TBCD: variants seen among roughly 807,000 people sequenced by gnomAD.
TBCD encodes tubulin folding cofactor D.
TBCD carries 105 observed loss-of-function variants against 169.3 expected under a neutral mutation model. The ratio of observed to expected loss-of-function variants is 0.62; its 90% CI spans 0.53 to 0.73. The LOEUF (loss-of-function observed/expected upper bound fraction) is 0.73, where lower values mean the gene tolerates loss of function less well. Among genes scored for constraint, TBCD ranks in the 30% least tolerant of loss-of-function variants. The pLI is 0.00. For missense variants in TBCD, 1,444 were observed against 1,600.1 expected (o/e 0.90, Z 1.66); for synonymous variants, 700 against 643.9 (o/e 1.09, Z -1.32).
intron 13 of TBCD, chr17:82,830,861 C>T (rs762115687): frequency 6.8e-6 from 11 of 1,612,626 alleles, no homozygotes; most frequent in African/African-American, 5.3e-5. Context: ...GGAGGGTCTC[C>T]GTTCACAACA....
rs561798563 is a variant in TBCD at position 82,914,888 on chromosome 17, G to A, written c.2038+3099G>A. Among the ~76,000 whole-genome samples, 7 of 152,318 alleles carry A rather than the reference G, an allele frequency of 4.6e-5. No homozygotes were observed. The South Asian group carries it at 1.5e-3, about 32-fold the overall frequency. ...GCTTTCAAGTAGGAATAGTTCAGAA[G>A]GGGAAATAGTTCTGCATAGCGTCTG... On this transcript the variant is annotated intron_variant, in intron 23 of 38. Coordinates refer to ENST00000355528, the MANE Select transcript of TBCD (RefSeq NM_005993.5).
rs1051984691 is a variant in TBCD at position 82,849,595 on chromosome 17, G to A, written c.1319-20629G>A. On this transcript the variant is annotated intron_variant, in intron 13 of 38. Transcript: ENST00000355528. ...TAGGAAGTAAAGTAAGAACCGCGTG[G>A]CACTAGCAATCACTAGGCATTGTTC... 3.9e-5 allele frequency among the ~76,000 whole-genome samples: 6 copies of A among 152,302 alleles called. No individual in the cohort carries two copies. In the East Asian group the frequency reaches 5.8e-4, roughly 15 times the overall value.
At chr17:82,805,030 G>T (rs1350301659) in intron 9 of TBCD, among the ~76,000 whole-genome samples, 2 of 152,240 alleles carry the variant, frequency 1.3e-5, no homozygotes, top group African/African-American at 4.8e-5. Context: ...ACTCTCACTG[G>T]ACACCTTTTC....
intron 7 of TBCD, among the ~76,000 whole-genome samples, chr17:82,788,406 C>A (rs1447642763): frequency 6.6e-6 from 1 of 152,038 alleles, no homozygotes; most frequent in East Asian, 1.9e-4. Context: ...GGCGGCGGGG[C>A]TGGGGGACTC....
intron 14 of TBCD, among the ~76,000 whole-genome samples, chr17:82,882,829 GGGATGTCATGTGCA>G (rs1372314575): frequency 6.6e-6 from 1 of 152,236 alleles, no homozygotes. Context: ...GAGAACAGAC[GGGATGTCATGTGCA>G]TTGTGGCTGG....
chr17:82,903,363 CAT>C lies in TBCD; in HGVS notation c.1731-40_1731-39del. On this transcript the variant is annotated intron_variant, in intron 18 of 38. Transcript: ENST00000355528. The surrounding 1 kb of genome is among the most constrained non-coding windows in gnomAD (Gnocchi z 4.8). ...TTTATGAATTGAATAAAGCTAGAAT[CAT>C]AAAATGAAGGCACTTACGACATTCT... 1 of 1,540,068 alleles carries C rather than the reference CAT, an allele frequency of 6.5e-7. No homozygotes were observed. Among genetic ancestry groups the C allele is most frequent in the South Asian group, 1.2e-5 (1 of 84,592 alleles).
chr17:82,776,874 T>G (rs992838252), intron 6 of TBCD, among the ~76,000 whole-genome samples: 3 of 152,088 alleles, frequency 2.0e-5, no homozygotes, highest in African/African-American at 7.2e-5. Context: ...TTAAACATGG[T>G]GTCGCTGATT....
At chr17:82,941,162 G>A (rs1429677824) in intron 37 of TBCD, among the ~76,000 whole-genome samples, 1 of 152,228 alleles carries the variant, frequency 6.6e-6, no homozygotes, top group Non-Finnish European at 1.5e-5. Flanking sequence ...CTTCCCGAGG[G>A]GCACCCCTTG....
intron 18 of TBCD, among the ~76,000 whole-genome samples, 197 bp downstream of exon 18, chr17:82,900,928 G>A (rs769781867): frequency 9.9e-5 from 15 of 152,260 alleles, no homozygotes; most frequent in Non-Finnish European, 1.6e-4. Flanking sequence ...CTTCTGGAGC[G>A]CCTGGTCCAG....
At chr17:82,911,650 TC>T in intron 22 of TBCD, 107 bp from the exon 23 acceptor site, 1 of 1,120,514 alleles carries the variant, frequency 8.9e-7, no homozygotes, top group South Asian at 1.3e-5. Context: ...TTCAACTAGT[TC>T]TCATTTTAAT....
chr17:82,830,767 A>G, intron 13 of TBCD: 1 of 1,612,998 alleles, frequency 6.2e-7, no homozygotes, highest in Non-Finnish European at 8.5e-7. Context: ...TTTCTTGGAG[A>G]GGTTGAGGGG....
intron 2 of TBCD, among the ~76,000 whole-genome samples, chr17:82,762,691 G>A (rs1426164679): frequency 6.6e-6 from 1 of 151,984 alleles, no homozygotes; most frequent in Non-Finnish European, 1.5e-5. Context: ...AGAGGTTGCA[G>A]TAAGCTGAGA....
intron 13 of TBCD, among the ~76,000 whole-genome samples, chr17:82,841,895 C>T (rs1315381337): frequency 6.6e-6 from 1 of 152,172 alleles, no homozygotes; most frequent in Non-Finnish European, 1.5e-5. Flanking sequence ...TCAGCTGGAA[C>T]CTCATCCTCA....
At chr17:82,828,231 G>GC (rs200927952) in intron 13 of TBCD, among the ~76,000 whole-genome samples, 1,985 of 111,378 alleles carry the variant, frequency 0.018, 74 homozygotes, top group African/African-American at 0.068. Flanking sequence ...GATTGAATGC[G>GC]CCCCCCACAG....
intron 34 of TBCD, among the ~76,000 whole-genome samples, chr17:82,935,304 C>T (rs958400957): frequency 1.3e-5 from 2 of 152,150 alleles, no homozygotes; most frequent in Admixed American, 1.3e-4. Flanking sequence ...CATCGTTTTA[C>T]TTTCAGTATC....
At chr17:82,843,119 T>C (rs1290443325) in intron 13 of TBCD, among the ~76,000 whole-genome samples, 1 of 152,178 alleles carries the variant, frequency 6.6e-6, no homozygotes, top group East Asian at 1.9e-4. Flanking sequence ...AGTACTGTGG[T>C]TGAGAACCTT....
intron 2 of TBCD, among the ~76,000 whole-genome samples, chr17:82,759,419 G>A (rs1040852419): frequency 6.6e-5 from 10 of 152,146 alleles, no homozygotes; most frequent in Non-Finnish European, 1.2e-4. Flanking sequence ...CCCAGGACGC[G>A]GAGGTAGCAG....
intron 14 of TBCD, among the ~76,000 whole-genome samples, chr17:82,881,912 C>T (rs547420080): frequency 3.3e-5 from 5 of 150,722 alleles, no homozygotes; most frequent in African/African-American, 4.8e-5. Flanking sequence ...TCTCTCCCCC[C>T]TCTCCCCTCC....
At chr17:82,759,008 GTT>G (rs2047605577) in intron 2 of TBCD, among the ~76,000 whole-genome samples, 1 of 151,318 alleles carries the variant, frequency 6.6e-6, no homozygotes, top group Admixed American at 6.6e-5. Context: ...ATCTACTGAA[GTT>G]TTTTCGTGTT....
Sources: gnomAD v4.1 joint callset for allele counts (sites outside exome capture counted in the v4.1 genomes callset) on GRCh38, gnomAD v4.1.1 for gene constraint, Gnocchi (gnomAD v3.1) non-coding constraint, MANE v1.5 for transcripts, NCBI Gene and HGNC (gene_info 2026-07-23, HGNC 2026-07-21) for gene names.